SPRY3: variants seen among roughly 807,000 people sequenced by gnomAD.
SPRY3 encodes the protein protein sprouty homolog 3.
A neutral mutation model predicts 20.2 loss-of-function variants in SPRY3; 15 were observed. That is an observed-to-expected ratio of 0.74 (90% confidence interval 0.50 to 1.14). The LOEUF (loss-of-function observed/expected upper bound fraction) is 1.14, where lower values mean the gene tolerates loss of function less well. Ranked by LOEUF, SPRY3 falls within the 50% of genes most tolerant of loss-of-function variation. The pLI is 0.00. For synonymous variants in SPRY3, 143 were observed against 136.5 expected, an observed-to-expected ratio of 1.05 and a Z score of -0.33; for missense variants, 364 against 363.9, an observed-to-expected ratio of 1.00 and a Z score of 0.00.
chrX:155,765,901 C>G (rs972338845), intron 2 of SPRY3, among the ~76,000 whole-genome samples: 2 of 152,184 alleles, frequency 1.3e-5, no homozygotes, highest in African/African-American at 4.8e-5. Context: ...ATTGAATTGC[C>G]TCAAGGGAGG....
At chrX:155,694,490 T>C (rs1448058810) in intron 2 of SPRY3, among the ~76,000 whole-genome samples, 7 of 111,790 alleles carry the variant, frequency 6.3e-5, no homozygotes, top group African/African-American at 2.0e-4. Context: ...ACCAGTTTCA[T>C]GGAAGACAAT....
At chrX:155,739,681 C>A (rs1410849920) in intron 2 of SPRY3, among the ~76,000 whole-genome samples, 6 of 152,098 alleles carry the variant, frequency 3.9e-5, no homozygotes, top group Non-Finnish European at 2.9e-5. Flanking sequence ...ACCAAGGTGA[C>A]TAGGGTCTGG....
At chrX:155,774,878 T>C (rs1338515739) in exon 4 of SPRY3, 1 of 943,400 alleles carries the variant, frequency 1.1e-6, no homozygotes, top group East Asian at 2.5e-5. Flanking sequence ...GTCAGGGGAA[T>C]GACCAAGTAC....
chrX:155,661,359 A>G (rs375315850), intron 2 of SPRY3, among the ~76,000 whole-genome samples: 2 of 112,045 alleles, frequency 1.8e-5, no homozygotes, highest in African/African-American at 6.5e-5. Context: ...ATAGGACCCC[A>G]TTCTCTTATG....
chrX:155,648,659 T>G (rs1243250532), intron 1 of SPRY3, among the ~76,000 whole-genome samples: 2 of 111,929 alleles, frequency 1.8e-5, no homozygotes, highest in African/African-American at 6.5e-5. Flanking sequence ...TTGGTCTATA[T>G]ATCTGTTTTG....
intron 2 of SPRY3, among the ~76,000 whole-genome samples, chrX:155,715,545 GAGA>G (rs2091016369): frequency 6.6e-6 from 1 of 152,136 alleles, no homozygotes; most frequent in Non-Finnish European, 1.5e-5. Flanking sequence ...GTGATTGGAT[GAGA>G]AGTAGTGCAA....
At chrX:155,761,247 T>G (rs1309252628) in intron 2 of SPRY3, among the ~76,000 whole-genome samples, 2 of 152,210 alleles carry the variant, frequency 1.3e-5, no homozygotes, top group Non-Finnish European at 2.9e-5. Context: ...CCATCTTTAT[T>G]GAAACTCTCT....
exon 4 of SPRY3, chrX:155,774,554 T>A: frequency 1.2e-6 from 2 of 1,613,942 alleles, no homozygotes; most frequent in Non-Finnish European, 1.7e-6. Flanking sequence ...ATGAGCCTCA[T>A]CTCCCTCTTC....
chrX:155,774,165 G>T, exon 4 of SPRY3: 1 of 1,613,968 alleles, frequency 6.2e-7, no homozygotes, highest in Non-Finnish European at 8.5e-7. Flanking sequence ...CTGATCAAAG[G>T]CTCTTGGCCA....
At chrX:155,615,660 T>C (rs1405790765) in intron 1 of SPRY3, among the ~76,000 whole-genome samples, 3 of 111,794 alleles carry the variant, frequency 2.7e-5, no homozygotes, top group Non-Finnish European at 5.6e-5. Flanking sequence ...ATGCTAAAAC[T>C]TTTCAGAAAT....
At chrX:155,750,541 G>A (rs989687646) in intron 2 of SPRY3, among the ~76,000 whole-genome samples, 2 of 151,930 alleles carry the variant, frequency 1.3e-5, no homozygotes, top group African/African-American at 4.8e-5. Flanking sequence ...AGTAAAGAAA[G>A]TGTTTCAAGA....
chrX:155,740,592 C>T (rs894129504), intron 2 of SPRY3, among the ~76,000 whole-genome samples: 6 of 152,070 alleles, frequency 3.9e-5, no homozygotes, highest in African/African-American at 7.2e-5. Context: ...AGGCTTACTA[C>T]GGTGGGGAAA....
At chrX:155,705,070 TAA>T (rs1425790676) in intron 2 of SPRY3, among the ~76,000 whole-genome samples, 4 of 151,334 alleles carry the variant, frequency 2.6e-5, no homozygotes, top group Non-Finnish European at 4.4e-5. Context: ...CACAAGGAAA[TAA>T]AGAGTGCTGG....
intron 2 of SPRY3, among the ~76,000 whole-genome samples, chrX:155,706,525 A>G (rs2090952524): frequency 6.6e-6 from 1 of 151,020 alleles, no homozygotes; most frequent in African/African-American, 2.4e-5. Flanking sequence ...TTTAAAAGAG[A>G]AAATTAATAG....
At chrX:155,651,898 T>C in intron 1 of SPRY3, among the ~76,000 whole-genome samples, 1 of 111,857 alleles carries the variant, frequency 8.9e-6, no homozygotes. Flanking sequence ...GGGTAACTTA[T>C]AAAGAAAAGA....
At chrX:155,749,175 C>A (rs1404840869) in intron 2 of SPRY3, among the ~76,000 whole-genome samples, 1 of 151,868 alleles carries the variant, frequency 6.6e-6, no homozygotes, top group African/African-American at 2.4e-5. Flanking sequence ...GCAATATAAT[C>A]CACTTGGGCT....
At chrX:155,647,083 T>C (rs1315442592) in intron 1 of SPRY3, among the ~76,000 whole-genome samples, 1 of 111,695 alleles carries the variant, frequency 9.0e-6, no homozygotes, top group Non-Finnish European at 1.9e-5. Context: ...GCTGTCCACA[T>C]AGTTTTGTTC....
exon 4 of SPRY3, chrX:155,774,467 C>G: frequency 6.2e-7 from 1 of 1,614,028 alleles, no homozygotes; most frequent in Non-Finnish European, 8.5e-7. Flanking sequence ...TACCACTGCT[C>G]CACTGATGAT....
intron 2 of SPRY3, among the ~76,000 whole-genome samples, chrX:155,758,897 C>A (rs2091293450): frequency 6.6e-6 from 1 of 152,096 alleles, no homozygotes. Context: ...TTAGTACATT[C>A]TAGGAATATA....
Sources: allele counts gnomAD v4.1 joint callset (sites outside exome capture counted in the v4.1 genomes callset), GRCh38; gene constraint gnomAD v4.1.1; transcripts MANE v1.5; gene names NCBI Gene and HGNC (gene_info 2026-07-23, HGNC 2026-07-21).